Variants in DACH2 observed in about 807,000 individuals in gnomAD.
DACH2 encodes the protein dachshund homolog 2.
In DACH2, 17 loss-of-function variants were observed where a neutral mutation model predicts 35.8. The ratio of observed to expected loss-of-function variants is 0.48; its 90% confidence interval spans 0.33 to 0.71. The LOEUF is 0.71. Ranked by LOEUF, DACH2 falls within the 30% of genes least tolerant of loss-of-function variation. The probability of loss-of-function intolerance (pLI) is 0.02; values close to 1 mark genes in which losing one functional copy is unlikely to be tolerated. For missense variants in DACH2, 469 were observed against 472.7 expected, an observed-to-expected ratio of 0.99 and a Z score of 0.07; for synonymous variants, 195 against 177.3, an observed-to-expected ratio of 1.10 and a Z score of -0.79.
chrX:86,341,752 T>G (rs2035416615), intron 1 of DACH2, among the ~76,000 whole-genome samples: 1 of 112,348 alleles, frequency 8.9e-6, no homozygotes, highest in Non-Finnish European at 1.9e-5. Flanking sequence ...TATATCAACA[T>G]CAACAGGAGT....
At chrX:86,175,535 T>A (rs1351404853) in intron 1 of DACH2, among the ~76,000 whole-genome samples, 1 of 109,989 alleles carries the variant, frequency 9.1e-6, no homozygotes, top group African/African-American at 3.3e-5. Flanking sequence ...GGGGAGGGGG[T>A]CATGAGGTTA....
At chrX:86,478,059 C>A (rs1366818929) in intron 2 of DACH2, among the ~76,000 whole-genome samples, 1 of 111,635 alleles carries the variant, frequency 9.0e-6, no homozygotes, top group Non-Finnish European at 1.9e-5. Context: ...CTTGTACTTT[C>A]TATGTCTTGA....
intron 1 of DACH2, among the ~76,000 whole-genome samples, chrX:86,333,453 T>C (rs768474626): frequency 1.8e-5 from 2 of 111,413 alleles, no homozygotes; most frequent in South Asian, 7.6e-4. Flanking sequence ...CTCACACTCT[T>C]AACAGTAGCA....
At chrX:86,346,071 C>T (rs990552238) in intron 1 of DACH2, among the ~76,000 whole-genome samples, 3 of 111,383 alleles carry the variant, frequency 2.7e-5, no homozygotes, top group Non-Finnish European at 5.7e-5. Flanking sequence ...TTGTGATGAC[C>T]TGGAAAATGA....
chrX:86,155,631 A>G (rs2147858412), intron 1 of DACH2, among the ~76,000 whole-genome samples: 1 of 111,413 alleles, frequency 9.0e-6, no homozygotes, highest in Admixed American at 9.6e-5. Context: ...AGGTGATATA[A>G]CTTTTCAGTT....
At chrX:86,496,213 G>A (rs1429500731) in intron 2 of DACH2, among the ~76,000 whole-genome samples, 1 of 111,638 alleles carries the variant, frequency 9.0e-6, no homozygotes, top group Non-Finnish European at 1.9e-5. Flanking sequence ...AATTAAAAAT[G>A]TGATAAACTA....
intron 1 of DACH2, among the ~76,000 whole-genome samples, chrX:86,369,048 A>G (rs1425200657): frequency 1.1e-4 from 12 of 111,066 alleles, no homozygotes; most frequent in Non-Finnish European, 1.7e-4. Context: ...TGAAGATTCA[A>G]ACTTACTTTT....
At chrX:86,402,231 G>T (rs2036447550) in intron 2 of DACH2, among the ~76,000 whole-genome samples, 1 of 111,832 alleles carries the variant, frequency 8.9e-6, no homozygotes, top group South Asian at 3.7e-4. Context: ...AATAGGAAAA[G>T]AAGAAATCAA....
At chrX:86,401,387 TGCACCCACTGTCCG>T (rs946461623) in intron 2 of DACH2, among the ~76,000 whole-genome samples, 1 of 112,069 alleles carries the variant, frequency 8.9e-6, no homozygotes, top group Non-Finnish European at 1.9e-5. Context: ...CCCACTGTCC[TGCACCCACTGTCCG>T]GCACTCCCCA....
intron 3 of DACH2, among the ~76,000 whole-genome samples, chrX:86,612,136 T>C (rs1246845033): frequency 9.2e-6 from 1 of 108,584 alleles, no homozygotes; most frequent in Non-Finnish European, 1.9e-5. Flanking sequence ...GGGTTGTGTA[T>C]AGAAATGTCA....
At chrX:86,273,049 C>A (rs774857332) in intron 1 of DACH2, among the ~76,000 whole-genome samples, 12 of 111,513 alleles carry the variant, frequency 1.1e-4, no homozygotes, top group Non-Finnish European at 2.3e-4. Context: ...GGGAGACATG[C>A]AAATGACCCC....
At chrX:86,309,164 G>A (rs961767709) in intron 1 of DACH2, among the ~76,000 whole-genome samples, 1 of 112,069 alleles carries the variant, frequency 8.9e-6, no homozygotes, top group Non-Finnish European at 1.9e-5. Context: ...CACAGAGGTG[G>A]TGATTCCCAC....
chrX:86,449,635 T>C (rs1316020046), intron 2 of DACH2, among the ~76,000 whole-genome samples: 1 of 111,301 alleles, frequency 9.0e-6, no homozygotes, highest in Non-Finnish European at 1.9e-5. Flanking sequence ...TTTGATTTCT[T>C]GCTTTTTATT....
chrX:86,624,054 ACAAAAC>A lies in DACH2; in HGVS notation c.641-26981_641-26976del, dbSNP rs1395192389. On this transcript the variant is annotated intron_variant, in intron 3 of 11. Coordinates refer to ENST00000373125, the MANE Select transcript of DACH2 (RefSeq NM_053281.3). ...CAGAGCGAAACTCCGTCTCAAAAAA[ACAAAAC>A]AAAAAAAAAAAAAAAAAAAAAAGTG... 9.8e-3 allele frequency among the ~76,000 whole-genome samples: 570 copies of A among 58,413 alleles called. 49 individuals are homozygous for A. Among genetic ancestry groups the A allele is most frequent in the African/African-American group, 0.023 (303 of 13,184 alleles). The allele number at this position is 58,413 out of a possible 115,157, so 50.7% of individuals were successfully genotyped here.
chrX:86,822,223 A>G (rs2042519717), intron 11 of DACH2, among the ~76,000 whole-genome samples: 2 of 112,262 alleles, frequency 1.8e-5, no homozygotes, highest in African/African-American at 6.5e-5. Flanking sequence ...CTGTAATCAT[A>G]TGCCATCATT....
At chrX:86,235,060 G>A (rs2033029310) in intron 1 of DACH2, among the ~76,000 whole-genome samples, 2 of 111,543 alleles carry the variant, frequency 1.8e-5, no homozygotes, top group African/African-American at 6.5e-5. Context: ...CTTGTCTGTG[G>A]CAGTTTCTCA....
chrX:86,678,451 C>A (rs1183624333), intron 4 of DACH2, among the ~76,000 whole-genome samples: 3 of 112,021 alleles, frequency 2.7e-5, no homozygotes, highest in Non-Finnish European at 5.6e-5. Context: ...TGTTTGAAAA[C>A]ATTTACAATT....
At chrX:86,295,912 G>C (rs1202833070) in intron 1 of DACH2, among the ~76,000 whole-genome samples, 1 of 109,569 alleles carries the variant, frequency 9.1e-6, no homozygotes, top group East Asian at 2.9e-4. Context: ...CCTTATTTTT[G>C]GTTCTTATGA....
intron 4 of DACH2, among the ~76,000 whole-genome samples, chrX:86,692,166 A>G (rs2041017231): frequency 1.8e-5 from 2 of 111,685 alleles, no homozygotes; most frequent in Admixed American, 1.9e-4. Flanking sequence ...ATTGCAGGAT[A>G]ATACTTACAT....
Sources: allele counts gnomAD v4.1 joint callset (sites outside exome capture counted in the v4.1 genomes callset), GRCh38; gene constraint gnomAD v4.1.1; transcripts MANE v1.5; gene names NCBI Gene and HGNC (gene_info 2026-07-23, HGNC 2026-07-21).